EYA4: variants seen among roughly 807,000 people sequenced by gnomAD.
EYA4 encodes the protein protein phosphatase EYA4.
EYA4 carries 31 observed loss-of-function variants against 87.9 expected under a neutral mutation model. That is an observed-to-expected ratio of 0.35 (90% CI 0.27 to 0.48). The LOEUF (loss-of-function observed/expected upper bound fraction) is 0.48. Among genes scored for constraint, EYA4 ranks in the 20% least tolerant of loss-of-function variants. EYA4 has a pLI of 0.99. For synonymous variants in EYA4, 263 were observed against 270.6 expected, an observed-to-expected ratio of 0.97 and a Z score of 0.28; for missense variants, 678 against 761.4, an observed-to-expected ratio of 0.89 and a Z score of 1.29.
chr6:133,378,690 A>G (rs961881297), intron 2 of EYA4, among the ~76,000 whole-genome samples: 1 of 152,030 alleles, frequency 6.6e-6, no homozygotes, highest in Non-Finnish European at 1.5e-5. Context: ...ACACTCAAAA[A>G]TTTTAGCTGT....
intron 2 of EYA4, among the ~76,000 whole-genome samples, chr6:133,332,948 T>C (rs952682127): frequency 1.3e-5 from 2 of 152,136 alleles, no homozygotes; most frequent in African/African-American, 2.4e-5. Flanking sequence ...CTAGGCATCC[T>C]TTAGGCCCTA....
At chr6:133,331,251 T>C (rs1781937618) in intron 2 of EYA4, among the ~76,000 whole-genome samples, 1 of 152,184 alleles carries the variant, frequency 6.6e-6, no homozygotes, top group African/African-American at 2.4e-5. Context: ...AAATCTCTAA[T>C]GGACTTTTAA....
chr6:133,480,462 C>CA (rs1450342161), intron 11 of EYA4, among the ~76,000 whole-genome samples: 1 of 152,144 alleles, frequency 6.6e-6, no homozygotes, highest in African/African-American at 2.4e-5. Flanking sequence ...GTGCTGCAGC[C>CA]ACTGGCCACA....
intron 3 of EYA4, among the ~76,000 whole-genome samples, chr6:133,388,738 C>A (rs1786989587): frequency 6.6e-6 from 1 of 152,202 alleles, no homozygotes; most frequent in Non-Finnish European, 1.5e-5. Flanking sequence ...GAATAGGCTA[C>A]AACCAAAAGG....
intron 1 of EYA4, chr6:133,247,071 A>T (rs1321697980): frequency 6.6e-6 from 1 of 152,342 alleles, no homozygotes; most frequent in Non-Finnish European, 1.5e-5. Flanking sequence ...AAATTTGTTA[A>T]ATTTTGTATT....
At chr6:133,411,492 C>A (rs1789228193) in intron 3 of EYA4, among the ~76,000 whole-genome samples, 1 of 152,096 alleles carries the variant, frequency 6.6e-6, no homozygotes, top group South Asian at 2.1e-4. Flanking sequence ...TCACTCTACC[C>A]AGAGTTAACC....
chr6:133,378,926 G>GGTGTGTGTGTGT (rs10681162), intron 2 of EYA4, among the ~76,000 whole-genome samples: 2,373 of 141,750 alleles, frequency 0.017, 67 homozygotes, highest in African/African-American at 0.059. Flanking sequence ...TTTCTGTCTT[G>GGTGTGTGTGTGT]GTGTGTGTGT....
At chr6:133,426,942 A>C (rs1327154088) in intron 3 of EYA4, among the ~76,000 whole-genome samples, 2 of 152,196 alleles carry the variant, frequency 1.3e-5, no homozygotes, top group South Asian at 2.1e-4. Context: ...AGAAGTTACA[A>C]TGTACATATT....
intron 3 of EYA4, among the ~76,000 whole-genome samples, chr6:133,396,325 T>C (rs1263894448): frequency 6.6e-6 from 1 of 152,226 alleles, no homozygotes; most frequent in East Asian, 1.9e-4. Flanking sequence ...TTCCTCATTC[T>C]CTTATTTTCT....
In EYA4 at chr6:133,255,240, G is replaced by GT. The variant is rs552390371; in HGVS notation, c.-66+13502dup. 9.3e-3 allele frequency among the ~76,000 whole-genome samples: 1,376 copies of GT among 147,928 alleles called. 9 individuals carry two copies. Among genetic ancestry groups the GT allele is most frequent in the Non-Finnish European group, 0.014 (950 of 66,570 alleles). On this transcript the variant is annotated intron_variant, in intron 1 of 19. Transcript: ENST00000355286. ...AAGGAAATTCATGCTGCTAAAGCAA[G>GT]TTTTTTTTTTTAATCTGTTACTTAA...
At chr6:133,512,814 GA>G (rs776384660) in intron 15 of EYA4, 35 bp downstream of exon 15, 12 of 1,612,182 alleles carry the variant, frequency 7.4e-6, no homozygotes, top group Non-Finnish European at 1.7e-6. Context: ...GTTTCCTACA[GA>G]AATTCGGCTG....
intron 14 of EYA4, among the ~76,000 whole-genome samples, chr6:133,509,211 T>G (rs921751947): frequency 3.9e-5 from 6 of 152,162 alleles, no homozygotes; most frequent in African/African-American, 1.4e-4. Context: ...GAAAGGCAGT[T>G]TTACTTTCAC....
chr6:133,489,576 T>C (rs571017535), intron 13 of EYA4, among the ~76,000 whole-genome samples: 2 of 151,816 alleles, frequency 1.3e-5, no homozygotes, highest in Non-Finnish European at 2.9e-5. Context: ...GGAAACCTTA[T>C]AGGCTAGGAG....
At chr6:133,383,908 G>A (rs1016625249) in intron 3 of EYA4, among the ~76,000 whole-genome samples, 1 of 152,142 alleles carries the variant, frequency 6.6e-6, no homozygotes, top group Admixed American at 6.5e-5. Context: ...ATTCCTTGGA[G>A]GCACCTCCTT....
rs1470285982 is a variant in EYA4, at chr6:133,241,402, A to T, written c.-413A>T. On this transcript the variant is annotated 5_prime_UTR_variant, in exon 1 of 20. Coordinates refer to ENST00000355286, the MANE Select transcript of EYA4 (RefSeq NM_004100.5). ...ACGTGAAGTTGTCGCTGCCTTAGAG[A>T]GGGGGAAAGAGCTGCGGGAAAAGCC... 6.6e-6 allele frequency: 1 copy of T among 152,178 alleles called. No individual in the cohort carries two copies. The highest frequency in any genetic ancestry group is 1.5e-5 in the Non-Finnish European group (1 of 68,088). 9.4% of individuals were successfully genotyped at this position (152,178 alleles called of 1,614,324 possible).
At chr6:133,356,022 G>A (rs73559633) in intron 2 of EYA4, among the ~76,000 whole-genome samples, 1 of 148,192 alleles carries the variant, frequency 6.7e-6, no homozygotes, top group African/African-American at 2.6e-5. Context: ...TGGGGGTTAG[G>A]GGTGGGGAGA....
chr6:133,413,763 G>C (rs1023581905), intron 3 of EYA4, among the ~76,000 whole-genome samples: 1 of 152,102 alleles, frequency 6.6e-6, no homozygotes. Context: ...TCTCTTCTGT[G>C]AAGCTTCCTG....
chr6:133,321,753 A>G (rs764275736), intron 2 of EYA4, among the ~76,000 whole-genome samples: 9 of 152,314 alleles, frequency 5.9e-5, no homozygotes, highest in Non-Finnish European at 8.8e-5. Context: ...TTTCCCCCAC[A>G]GCATCTTTTC....
chr6:133,461,263 A>G (rs1019617125), intron 7 of EYA4, 83 bp downstream of exon 7: 9 of 952,238 alleles, frequency 9.5e-6, no homozygotes, highest in Non-Finnish European at 1.6e-5. Context: ...TAATACTTGG[A>G]TAGATTACAT....
Sources: allele counts gnomAD v4.1 joint callset (sites outside exome capture counted in the v4.1 genomes callset), GRCh38; gene constraint gnomAD v4.1.1; transcripts MANE v1.5; gene names NCBI Gene and HGNC (gene_info 2026-07-23, HGNC 2026-07-21).